Variants in SNCG observed in about 807,000 individuals in gnomAD.
SNCG encodes the protein synuclein gamma.
A neutral mutation model predicts 16.0 loss-of-function variants in SNCG; 13 were observed. The observed-to-expected ratio is 0.81, with a 90% CI of 0.53 to 1.29. The LOEUF (loss-of-function observed/expected upper bound fraction) is 1.29. SNCG is among the 50% of genes most tolerant of loss of function. The pLI is 0.00. For synonymous variants in SNCG, 66 were observed against 66.3 expected, an observed-to-expected ratio of 1.00 and a Z score of 0.02; for missense variants, 154 against 168.5, an observed-to-expected ratio of 0.91 and a Z score of 0.48.
intron 3 of SNCG, among the ~76,000 whole-genome samples, chr10:86,961,602 G>A (rs1844352587): frequency 6.6e-6 from 1 of 152,110 alleles, no homozygotes; most frequent in African/African-American, 2.4e-5. Context: ...CCACCTCGAG[G>A]GAGACTCATT....
At chr10:86,956,708 C>T (rs1295068049), upstream of SNCG, among the ~76,000 whole-genome samples, 2 of 152,230 alleles carry the variant, frequency 1.3e-5, no homozygotes, top group Admixed American at 6.5e-5. Flanking sequence ...GGTGCCTGGC[C>T]CTGAGACTGG....
At chr10:86,960,207 TC>T in intron 3 of SNCG, 79 bp downstream of exon 3, 1 of 1,390,280 alleles carries the variant, frequency 7.2e-7, no homozygotes, top group Non-Finnish European at 9.9e-7. Context: ...ATCACTCCAC[TC>T]CACACCCCAG....
rs1225414534 is a variant in SNCG, at chr10:86,962,969, A to T, written c.368A>T (p.Gln123Leu). ...KEKEEVAEEA[Q>L]SGGD ...GCAGGTCATTCTCTCTCCCAGGCCCAGAGTGGGGGAGACTAGAGGGCTACA... is the reference window on the plus strand; with the variant it reads ...GCAGGTCATTCTCTCTCCCAGGCCCTGAGTGGGGGAGACTAGAGGGCTACA... Residue 123 changes from glutamine (Q) to leucine (L), a missense_variant, in exon 5 of 5, where the codon CAG (glutamine) becomes CTG (leucine). By Grantham distance (113) the Gln-to-Leu change is moderately radical. Transcript: ENST00000372017. 1 of 1,603,236 alleles carries T rather than the reference A, an allele frequency of 6.2e-7. No homozygotes were observed.
upstream of SNCG, chr10:86,958,504 C>T: frequency 8.4e-7 from 1 of 1,188,680 alleles, no homozygotes; most frequent in South Asian, 1.5e-5. Flanking sequence ...CCTTCCCTCC[C>T]TCCCTCCCTC....
At chr10:86,962,746 T>G (rs1322990175) in intron 4 of SNCG, 71 bp downstream of exon 4, 1 of 1,350,196 alleles carries the variant, frequency 7.4e-7, no homozygotes, top group Admixed American at 2.0e-5. Context: ...ACAGACGCAC[T>G]GCTTCCCTCC....
rs142957751 is a variant in SNCG, at chr10:86,960,001, T to G, written c.164T>G (p.Val55Gly). The G allele has an allele frequency of 1.3e-6, 2 of 1,594,128 alleles. No individual in the cohort carries two copies. Among genetic ancestry groups the G allele is most frequent in the South Asian group, 2.3e-5 (2 of 87,442 alleles). ...KENVVQSVTSVAEKTKEQANA... is the reference protein window; with the variant it reads ...KENVVQSVTSGAEKTKEQANA... Reference sequence around the variant, plus strand: ...GAGGCCAGCCAGTGTCCTCCCATAGTGGCCGAGAAGACCAAGGAGCAGGCC... The same window carrying G: ...GAGGCCAGCCAGTGTCCTCCCATAGGGGCCGAGAAGACCAAGGAGCAGGCC... The change falls in exon 3 of 5, where the codon GTG becomes GGG. Residue 55 changes from valine to glycine, a missense_variant and splice_region_variant. Physicochemically the swap from Val to Gly is moderately radical, Grantham distance 109. Transcript: ENST00000372017.
chr10:86,959,017 C>T lies in SNCG; in HGVS notation c.121+199C>T, dbSNP rs533820101. On this transcript the variant is annotated intron_variant, in intron 1 of 4. Coordinates refer to ENST00000372017, the MANE Select transcript of SNCG (RefSeq NM_003087.3). The surrounding 1 kb of genome is among the most constrained non-coding windows in gnomAD (Gnocchi z 4.3). ...TATGTGTGTTTGTCTTTGGCCTCCT[C>T]GGGGCCTCTGGGTGTCAGAGACCGC... is the stretch of plus-strand genomic sequence containing the variant. Among the ~76,000 whole-genome samples the T allele has an allele frequency of 6.7e-5, 10 of 148,548 alleles. No individual in the cohort carries two copies. The highest frequency in any genetic ancestry group is 1.9e-4 in the African/African-American group (8 of 41,260).
At chr10:86,957,481 A>G (rs768776155), upstream of SNCG, 6 of 1,613,258 alleles carry the variant, frequency 3.7e-6, no homozygotes, top group Non-Finnish European at 5.1e-6. Flanking sequence ...GCCTGGGCCC[A>G]TGCCCCCAGC....
chr10:86,958,500 C>CAACCAAACAA, upstream of SNCG: 1 of 1,098,602 alleles, frequency 9.1e-7, no homozygotes, highest in Non-Finnish European at 1.1e-6. Context: ...ACCTCCTTCC[C>CAACCAAACAA]TCCCTCCCTC....
Position 86,960,133 on chromosome 10 carries a change from G to A in SNCG, c.291+5G>A. ...ACCTCCGGGGTGGTGCGCAAGGTGA[G>A]CCCCGGCCCTCAGACCTGCCCAGTC... On this transcript the variant is annotated splice_donor_5th_base_variant and intron_variant, in intron 3 of 4. Coordinates refer to ENST00000372017, the MANE Select transcript of SNCG (RefSeq NM_003087.3). 1 of 1,610,256 alleles carries A rather than the reference G, an allele frequency of 6.2e-7. No individual in the cohort carries two copies. Among genetic ancestry groups the A allele is most frequent in the Non-Finnish European group, 8.5e-7 (1 of 1,177,752 alleles).
chr10:86,956,439 C>T (rs1187609856), upstream of SNCG, among the ~76,000 whole-genome samples: 2 of 152,212 alleles, frequency 1.3e-5, no homozygotes, highest in East Asian at 3.9e-4. Flanking sequence ...AGTTGGCCCC[C>T]CCCTCACTCC....
upstream of SNCG, among the ~76,000 whole-genome samples, chr10:86,957,221 C>A (rs1203830502): frequency 1.3e-5 from 2 of 152,214 alleles, no homozygotes; most frequent in South Asian, 2.1e-4. Context: ...AACACCCAGT[C>A]CAGACTACTT....
At chr10:86,955,786 T>C (rs1201981183), upstream of SNCG, among the ~76,000 whole-genome samples, 1 of 152,172 alleles carries the variant, frequency 6.6e-6, no homozygotes, top group Non-Finnish European at 1.5e-5. Flanking sequence ...CTGCAGCTTC[T>C]GGATGTGGGA....
At chr10:86,958,550 A>C, upstream of SNCG, 8 of 1,160,546 alleles carry the variant, frequency 6.9e-6, no homozygotes, top group South Asian at 3.3e-5. Flanking sequence ...GCTGGGCTCC[A>C]GCTGGCCTCC....
intron 3 of SNCG, among the ~76,000 whole-genome samples, chr10:86,961,789 A>G (rs2133697528): frequency 6.6e-6 from 1 of 152,286 alleles, no homozygotes; most frequent in Middle Eastern, 3.4e-3. Context: ...CCGCCAGCAC[A>G]GCACTGCCCT....
chr10:86,960,004 C>T lies in SNCG; in HGVS notation c.167C>T (p.Ala56Val). The change falls in exon 3 of 5, where the codon GCC becomes GTC. Residue 56 changes from alanine (A) to valine (V), a missense_variant. Physicochemically the swap from Ala to Val is moderately conservative, Grantham distance 64 (BLOSUM62 0). Transcript: ENST00000372017. ...ENVVQSVTSVAEKTKEQANAV... is the reference protein window; with the variant it reads ...ENVVQSVTSVVEKTKEQANAV... ...GCCAGCCAGTGTCCTCCCATAGTGGCCGAGAAGACCAAGGAGCAGGCCAAC... is the reference window on the plus strand; with the variant it reads ...GCCAGCCAGTGTCCTCCCATAGTGGTCGAGAAGACCAAGGAGCAGGCCAAC... The T allele has an allele frequency of 6.3e-7, 1 of 1,595,890 alleles. No individual in the cohort carries two copies. The highest frequency in any genetic ancestry group is 8.5e-7 in the Non-Finnish European group (1 of 1,172,136).
chr10:86,958,627 G>A lies in SNCG; in HGVS notation c.-71G>A. On this transcript the variant is annotated 5_prime_UTR_variant, in exon 1 of 5. Coordinates refer to ENST00000372017, the MANE Select transcript of SNCG (RefSeq NM_003087.3). Reference sequence around the variant, plus strand: ...AGCCGCTGCGGCAGCACTCGAGCCAGCTCAAGCCCGCAGCTCGCAGGGAGA... The same window carrying A: ...AGCCGCTGCGGCAGCACTCGAGCCAACTCAAGCCCGCAGCTCGCAGGGAGA... 1 of 1,601,268 alleles carries A rather than the reference G, an allele frequency of 6.2e-7. No homozygotes were observed. The highest frequency in any genetic ancestry group is 2.1e-4 in the Middle Eastern group (1 of 4,876).
chr10:86,959,732 T>C lies in SNCG; in HGVS notation c.163+58T>C. The C allele has an allele frequency of 6.7e-7, 1 of 1,497,138 alleles. No individual in the cohort carries two copies. The allele number at this position is 1,497,138 out of a possible 1,614,324, so 92.7% of individuals were successfully genotyped here. A position where few individuals can be genotyped will look rare whatever the true frequency, so the allele number is the denominator to read the frequency against. On this transcript the variant is annotated intron_variant, in intron 2 of 4. Coordinates refer to ENST00000372017, the MANE Select transcript of SNCG (RefSeq NM_003087.3). The surrounding 1 kb of genome is among the most constrained non-coding windows in gnomAD (Gnocchi z 4.3). ...GGATAGGACCCCTGGGGCTCCTGCA[T>C]CCTAGTGCTGGGGCTCAAACCTAGA...
chr10:86,958,170 G>A (rs1844268642), upstream of SNCG: 10 of 983,090 alleles, frequency 1.0e-5, no homozygotes, highest in Non-Finnish European at 1.2e-5. Flanking sequence ...CCCAGGCCGC[G>A]GGAGGTTGGC....
Sources: gnomAD v4.1 joint callset for allele counts (sites outside exome capture counted in the v4.1 genomes callset) on GRCh38, gnomAD v4.1.1 for gene constraint, Gnocchi (gnomAD v3.1) non-coding constraint, MANE v1.5 for transcripts, NCBI Gene and HGNC (gene_info 2026-07-23, HGNC 2026-07-21) for gene names.